Variants in CEP128 observed in about 807,000 individuals in gnomAD.
The protein encoded by CEP128 is centrosomal protein 128.
A neutral mutation model predicts 156.7 loss-of-function variants in CEP128; 132 were observed. The observed-to-expected ratio is 0.84, with a 90% CI of 0.73 to 0.97. CEP128 has a LOEUF of 0.97. CEP128 is among the 50% of genes least tolerant of loss of function. The pLI is 0.00. For missense variants in CEP128, 1,252 were observed against 1,281.9 expected, an observed-to-expected ratio of 0.98 and a Z score of 0.36; for synonymous variants, 469 against 448.9, an observed-to-expected ratio of 1.04 and a Z score of -0.57.
intron 19 of CEP128, among the ~76,000 whole-genome samples, chr14:80,687,661 T>C (rs1002601891): frequency 2.6e-5 from 4 of 152,138 alleles, no homozygotes; most frequent in Admixed American, 6.5e-5. Flanking sequence ...AGATCTATCA[T>C]ATCCCAAACG....
intron 19 of CEP128, among the ~76,000 whole-genome samples, chr14:80,645,186 T>G (rs1002898807): frequency 6.6e-5 from 10 of 152,172 alleles, no homozygotes; most frequent in Non-Finnish European, 1.2e-4. Context: ...CACTATACAG[T>G]AAAACTGAAG....
intron 19 of CEP128, among the ~76,000 whole-genome samples, chr14:80,654,156 G>A (rs780111235): frequency 1.3e-5 from 2 of 152,108 alleles, no homozygotes; most frequent in African/African-American, 2.4e-5. Context: ...GTGAATCCCT[G>A]CTGGGTGTTA....
chr14:80,932,012 T>C (rs1488631769), intron 2 of CEP128, among the ~76,000 whole-genome samples: 4 of 152,182 alleles, frequency 2.6e-5, no homozygotes, highest in Non-Finnish European at 5.9e-5. Flanking sequence ...AATTGACTCA[T>C]AGGGGCAGTT....
At chr14:80,591,577 G>A (rs777057136) in intron 19 of CEP128, among the ~76,000 whole-genome samples, 3 of 152,114 alleles carry the variant, frequency 2.0e-5, no homozygotes, top group Admixed American at 6.6e-5. Context: ...ACACCCCACT[G>A]TCAATACTAG....
intron 23 of CEP128, among the ~76,000 whole-genome samples, chr14:80,518,289 C>T (rs1040617947): frequency 6.6e-6 from 1 of 151,660 alleles, no homozygotes; most frequent in East Asian, 1.9e-4. Context: ...TTGCAAGCCC[C>T]GTATTTAAAG....
chr14:80,765,471 G>T (rs992577248), intron 16 of CEP128, among the ~76,000 whole-genome samples: 1 of 152,130 alleles, frequency 6.6e-6, no homozygotes, highest in African/African-American at 2.4e-5. Flanking sequence ...TTCAGAGGGG[G>T]CAATATCCCC....
intron 19 of CEP128, among the ~76,000 whole-genome samples, chr14:80,628,142 G>A (rs1893809979): frequency 6.6e-6 from 1 of 152,054 alleles, no homozygotes. Flanking sequence ...ACCTCCAAAG[G>A]GAAATTTCTA....
At chr14:80,932,431 C>CA (rs1885521280) in intron 2 of CEP128, among the ~76,000 whole-genome samples, 1 of 152,224 alleles carries the variant, frequency 6.6e-6, no homozygotes, top group African/African-American at 2.4e-5. Context: ...ATGTCTGAGA[C>CA]AACTTCAAAC....
Position 80,674,511 on chromosome 14 carries a change from G to A in CEP128, c.2806+68564C>T, listed in dbSNP as rs561534457. 3.9e-5 allele frequency among the ~76,000 whole-genome samples: 6 copies of A among 152,100 alleles called. 1 individual carries two copies. Among genetic ancestry groups the A allele is most frequent in the African/African-American group, 1.4e-4 (6 of 41,544 alleles). On this transcript the variant is annotated intron_variant, in intron 19 of 24. Transcript: ENST00000555265. ...CAAATGCAAAACATATTTTAAAACA[G>A]GTAAGAGAAAATGTGTAAGGGATTA...
intron 19 of CEP128, among the ~76,000 whole-genome samples, chr14:80,631,586 T>TA (rs1893962817): frequency 6.6e-6 from 1 of 152,030 alleles, no homozygotes; most frequent in African/African-American, 2.4e-5. Flanking sequence ...GATCAATGAG[T>TA]AAAGAAGTGC....
intron 8 of CEP128, among the ~76,000 whole-genome samples, chr14:80,864,285 T>C (rs1887662010): frequency 6.6e-6 from 1 of 152,202 alleles, no homozygotes; most frequent in Non-Finnish European, 1.5e-5. Flanking sequence ...AAATTTATAC[T>C]GTATCCCCAG....
At chr14:80,523,976 A>C (rs779562795) in intron 23 of CEP128, among the ~76,000 whole-genome samples, 33 of 152,226 alleles carry the variant, frequency 2.2e-4, no homozygotes, top group Admixed American at 5.2e-4. Context: ...ACAATATATG[A>C]ATAAATGAGT....
intron 19 of CEP128, among the ~76,000 whole-genome samples, chr14:80,736,877 C>T (rs1219779941): frequency 6.6e-6 from 1 of 152,122 alleles, no homozygotes; most frequent in Non-Finnish European, 1.5e-5. Flanking sequence ...CTAGGCATAT[C>T]GTTAATTTAA....
chr14:80,671,380 C>G (rs1368261793), intron 19 of CEP128, among the ~76,000 whole-genome samples: 1 of 152,092 alleles, frequency 6.6e-6, no homozygotes, highest in Non-Finnish European at 1.5e-5. Flanking sequence ...CTAGTGGTGT[C>G]AGACAATTTA....
chr14:80,738,892 G>C (rs1240800455), intron 19 of CEP128, among the ~76,000 whole-genome samples: 3 of 152,146 alleles, frequency 2.0e-5, no homozygotes, highest in African/African-American at 7.2e-5. Context: ...CCATGTATAT[G>C]GCCAGAATAA....
At chr14:80,549,780 C>T (rs1890136905) in intron 21 of CEP128, among the ~76,000 whole-genome samples, 1 of 152,180 alleles carries the variant, frequency 6.6e-6, no homozygotes, top group Non-Finnish European at 1.5e-5. Flanking sequence ...GGCTCTTCTT[C>T]AACTTCGGTG....
In CEP128 at chr14:80,611,738, T is replaced by C. The variant is rs367729508; in HGVS notation, c.2807-31315A>G. Among the ~76,000 whole-genome samples the C allele has an allele frequency of 1.3e-3, 191 of 152,268 alleles. 4 individuals carry two copies. The Middle Eastern group carries it at 0.024, about 19-fold the overall frequency. ...TAAAGAATATTAAACATGTTAAACA[T>C]AAGAGAAACCAGTAAATACTGTTCT... is the stretch of plus-strand genomic sequence containing the variant. On this transcript the variant is annotated intron_variant, in intron 19 of 24. Transcript: ENST00000555265.
chr14:80,580,979 G>T (rs1891568090), intron 19 of CEP128, among the ~76,000 whole-genome samples: 1 of 152,046 alleles, frequency 6.6e-6, no homozygotes, highest in Admixed American at 6.6e-5. Context: ...ACACTGAGAG[G>T]GTGGGATGCA....
intron 8 of CEP128, chr14:80,894,615 G>A (rs372181745): frequency 1.7e-5 from 8 of 477,522 alleles, no homozygotes; most frequent in Non-Finnish European, 2.5e-5. Context: ...TTGGAAAGAC[G>A]TTGTCTACTT....
Sources: allele counts gnomAD v4.1 joint callset (sites outside exome capture counted in the v4.1 genomes callset), GRCh38; gene constraint gnomAD v4.1.1; transcripts MANE v1.5; gene names NCBI Gene and HGNC (gene_info 2026-07-23, HGNC 2026-07-21).